Variants in TBC1D9 observed in about 807,000 individuals in gnomAD.
The protein encoded by TBC1D9 is TBC1 domain family member 9A.
In TBC1D9, 63 loss-of-function variants were observed where a neutral mutation model predicts 132.0. The observed-to-expected ratio is 0.48, with a 90% CI of 0.39 to 0.59. The LOEUF is 0.59. Among genes scored for constraint, TBC1D9 ranks in the 20% least tolerant of loss-of-function variants. The pLI is 0.00. For missense variants in TBC1D9, 1,261 were observed against 1,592.7 expected (o/e 0.79, Z 3.54); for synonymous variants, 610 against 609.9 (o/e 1.00, Z 0.00).
chr4:140,731,217 T>G (rs189129239), intron 1 of TBC1D9, among the ~76,000 whole-genome samples: 1 of 152,274 alleles, frequency 6.6e-6, no homozygotes, highest in Non-Finnish European at 1.5e-5. Context: ...AGCACAATGA[T>G]GATGGTAAGT....
At chr4:140,645,496 A>C (rs1578822260) in intron 13 of TBC1D9, 1 of 371,720 alleles carries the variant, frequency 2.7e-6, no homozygotes, top group Non-Finnish European at 5.3e-6. Flanking sequence ...ACTTTTAACT[A>C]CCCCTAAGCC....
intron 2 of TBC1D9, among the ~76,000 whole-genome samples, chr4:140,697,079 A>G (rs1294486376): frequency 1.3e-5 from 2 of 152,202 alleles, no homozygotes; most frequent in Non-Finnish European, 1.5e-5. Context: ...TCAGTAAGAA[A>G]GAACAATTAA....
intron 13 of TBC1D9, chr4:140,642,680 C>T: frequency 1.5e-6 from 1 of 674,040 alleles, no homozygotes; most frequent in Non-Finnish European, 2.6e-6. Flanking sequence ...CCTGGCTTTC[C>T]CTGTTCCAAT....
intron 2 of TBC1D9, among the ~76,000 whole-genome samples, chr4:140,695,386 G>C (rs957551051): frequency 6.6e-6 from 1 of 152,188 alleles, no homozygotes; most frequent in Non-Finnish European, 1.5e-5. Context: ...GAATGGTAAA[G>C]AAAAGGGAAA....
At chr4:140,664,281 T>C (rs1028754967) in intron 9 of TBC1D9, among the ~76,000 whole-genome samples, 3 of 150,280 alleles carry the variant, frequency 2.0e-5, no homozygotes, top group Non-Finnish European at 4.4e-5. Context: ...GGAATAAATA[T>C]AACAAAACAC....
At chr4:140,704,692 T>C (rs1738124314) in intron 1 of TBC1D9, among the ~76,000 whole-genome samples, 1 of 152,188 alleles carries the variant, frequency 6.6e-6, no homozygotes, top group Admixed American at 6.5e-5. Context: ...GGAAGACCTC[T>C]GAAAAGGTCT....
At chr4:140,636,888 A>G (rs1356796411) in intron 15 of TBC1D9, among the ~76,000 whole-genome samples, 1 of 152,188 alleles carries the variant, frequency 6.6e-6, no homozygotes, top group African/African-American at 2.4e-5. Flanking sequence ...ACCGAGTCTC[A>G]GGTTCTTCTG....
chr4:140,671,833 A>G (rs922578181), intron 6 of TBC1D9, among the ~76,000 whole-genome samples: 2 of 152,270 alleles, frequency 1.3e-5, no homozygotes, highest in East Asian at 1.9e-4. Context: ...TTTTCTCTTT[A>G]GCACATTAGA....
At position 140,621,352 on chromosome 4, in the gene TBC1D9, A is replaced by G. The variant is rs2110958367; in HGVS notation, c.*843T>C. On this transcript the variant is annotated 3_prime_UTR_variant, in exon 21 of 21. Transcript: ENST00000442267. ...CTAAACATCCAGTATCAGAAGCATCAGTACTTTTACTCTTTCAAAAACAAA... is the reference window on the plus strand; with the variant it reads ...CTAAACATCCAGTATCAGAAGCATCGGTACTTTTACTCTTTCAAAAACAAA... 2 of 152,486 alleles carry G rather than the reference A, an allele frequency of 1.3e-5. No individual in the cohort carries two copies. Among genetic ancestry groups the G allele is most frequent in the South Asian group, 4.1e-4 (2 of 4,832 alleles). 9.4% of individuals were successfully genotyped at this position (152,486 alleles called of 1,614,324 possible). A position where few individuals can be genotyped will look rare whatever the true frequency, so the allele number is the denominator to read the frequency against.
At chr4:140,746,809 T>TG (rs1412339163) in intron 1 of TBC1D9, among the ~76,000 whole-genome samples, 1 of 152,110 alleles carries the variant, frequency 6.6e-6, no homozygotes, top group Non-Finnish European at 1.5e-5. Context: ...GTGAAAATCA[T>TG]GGGAGCTACA....
At chr4:140,652,199 C>A (rs1229210234) in intron 13 of TBC1D9, among the ~76,000 whole-genome samples, 1 of 151,316 alleles carries the variant, frequency 6.6e-6, no homozygotes, top group East Asian at 1.9e-4. Flanking sequence ...CAAGATCAAG[C>A]CACTATACTC....
rs150866358 is a variant in TBC1D9 at position 140,629,516 on chromosome 4, T to C, written c.2747-1151A>G. On this transcript the variant is annotated intron_variant, in intron 16 of 20. Transcript: ENST00000442267. ...CTTCAGATTTTAAGAACAGCTGTCC[T>C]GTCTTCCTCAAGCTTATCTTTTTGG... Among the ~76,000 whole-genome samples the C allele has an allele frequency of 9.8e-5, 15 of 152,368 alleles. No individual in the cohort carries two copies. In the East Asian group the frequency reaches 1.9e-3, roughly 20 times the overall value.
chr4:140,643,638 A>G (rs918828571), intron 13 of TBC1D9: 5 of 1,026,480 alleles, frequency 4.9e-6, no homozygotes, highest in Non-Finnish European at 6.9e-6. Context: ...CGCCACAGGC[A>G]CCTCCACTGG....
intron 13 of TBC1D9, among the ~76,000 whole-genome samples, chr4:140,648,313 T>C (rs972543516): frequency 6.6e-6 from 1 of 152,188 alleles, no homozygotes. Context: ...ATCTGAATGT[T>C]TCTGTGGCCT....
Position 140,622,191 on chromosome 4 carries a change from C to T in TBC1D9, c.*4G>A, listed in dbSNP as rs755230264. 2.4e-5 allele frequency: 37 copies of T among 1,567,808 alleles called. No individual in the cohort carries two copies. Among genetic ancestry groups the T allele is most frequent in the Non-Finnish European group, 3.2e-5 (37 of 1,147,944 alleles). ...CCTCCCACTCCCCCGGGAAGGCGCCCGTGTCAGCCGGACATGGCCGAGATT... is the reference window on the plus strand; with the variant it reads ...CCTCCCACTCCCCCGGGAAGGCGCCTGTGTCAGCCGGACATGGCCGAGATT... On this transcript the variant is annotated 3_prime_UTR_variant, in exon 21 of 21. Transcript: ENST00000442267.
rs145569829 is a variant in TBC1D9 at position 140,736,696 on chromosome 4, T to C, written c.130+19220A>G. Among the ~76,000 whole-genome samples the C allele has an allele frequency of 3.3e-4, 50 of 152,264 alleles. 1 individual carries two copies. The highest frequency in any genetic ancestry group is 1.2e-3 in the African/African-American group (49 of 41,560). On this transcript the variant is annotated intron_variant, in intron 1 of 20. Coordinates refer to ENST00000442267, the MANE Select transcript of TBC1D9 (RefSeq NM_015130.3). ...AAGAAAGAGGGGTTTGCAGTTCTCA[T>C]GATGAAGATTAGCCTCCTGACAGTT... is the stretch of plus-strand genomic sequence containing the variant.
intron 1 of TBC1D9, among the ~76,000 whole-genome samples, chr4:140,705,240 G>A (rs1043305806): frequency 2.6e-5 from 4 of 152,080 alleles, no homozygotes; most frequent in African/African-American, 7.2e-5. Context: ...TGTCTCCCCC[G>A]ACCTCAAACA....
intron 13 of TBC1D9, among the ~76,000 whole-genome samples, chr4:140,653,265 T>G (rs72718374): frequency 0.039 from 5,901 of 152,296 alleles, 143 homozygotes; most frequent in Non-Finnish European, 0.04. Flanking sequence ...AAGATGAATG[T>G]GCTTTCAGTA....
At chr4:140,671,050 G>A in intron 6 of TBC1D9, 124 bp from the exon 7 acceptor site, 1 of 758,014 alleles carries the variant, frequency 1.3e-6, no homozygotes, top group Non-Finnish European at 2.2e-6. Flanking sequence ...ATATTTTATT[G>A]AAGCAAAACT....
Sources: allele counts gnomAD v4.1 joint callset (sites outside exome capture counted in the v4.1 genomes callset), GRCh38; gene constraint gnomAD v4.1.1; transcripts MANE v1.5; gene names NCBI Gene and HGNC (gene_info 2026-07-23, HGNC 2026-07-21).